Variants in DNM3 observed in about 807,000 individuals in gnomAD.
DNM3 encodes dynamin-3.
DNM3 carries 47 observed loss-of-function variants against 101.6 expected under a neutral mutation model. The ratio of observed to expected loss-of-function variants is 0.46; its 90% CI spans 0.37 to 0.59. The LOEUF (loss-of-function observed/expected upper bound fraction) is 0.59. Ranked by LOEUF, DNM3 falls within the 20% of genes least tolerant of loss-of-function variation. The probability of loss-of-function intolerance (pLI) is 0.00; values close to 1 mark genes in which losing one functional copy is unlikely to be tolerated. For missense variants in DNM3, 849 were observed against 1,085.7 expected, an observed-to-expected ratio of 0.78 and a Z score of 3.06; for synonymous variants, 385 against 387.9, an observed-to-expected ratio of 0.99 and a Z score of 0.09.
At chr1:172,225,430 C>T (rs747809465) in intron 14 of DNM3, among the ~76,000 whole-genome samples, 3 of 151,988 alleles carry the variant, frequency 2.0e-5, no homozygotes, top group Non-Finnish European at 4.4e-5. Flanking sequence ...CCACCGTACC[C>T]GACCGTCCCT....
At chr1:172,146,892 A>G (rs981754493) in intron 14 of DNM3, among the ~76,000 whole-genome samples, 1 of 152,130 alleles carries the variant, frequency 6.6e-6, no homozygotes, top group Non-Finnish European at 1.5e-5. Context: ...CTGTACATCT[A>G]TATGCCCTCA....
intron 4 of DNM3, among the ~76,000 whole-genome samples, chr1:172,024,649 G>A (rs2048070737): frequency 6.6e-6 from 1 of 152,240 alleles, no homozygotes; most frequent in African/African-American, 2.4e-5. Context: ...AGCCCATGGA[G>A]GGCAAGCCAA....
intron 14 of DNM3, among the ~76,000 whole-genome samples, chr1:172,239,789 T>TTTTTTTTTG (rs2061675002): frequency 4.5e-5 from 2 of 44,264 alleles, no homozygotes; most frequent in South Asian, 8.7e-4. Flanking sequence ...CAGCCCTGTC[T>TTTTTTTTTG]TTTTTTTTCT....
At chr1:172,377,504 G>A (rs2149051733) in intron 17 of DNM3, among the ~76,000 whole-genome samples, 1 of 145,642 alleles carries the variant, frequency 6.9e-6, no homozygotes, top group Non-Finnish European at 1.5e-5. Context: ...TATAGAAGAT[G>A]TTTTCTTCAG....
At chr1:171,908,976 C>T (rs1398647192) in intron 1 of DNM3, among the ~76,000 whole-genome samples, 1 of 152,136 alleles carries the variant, frequency 6.6e-6, no homozygotes, top group Admixed American at 6.6e-5. Flanking sequence ...TTTCTTCCTC[C>T]CTCCCTTTTT....
chr1:172,409,333 T>C lies in DNM3; in HGVS notation c.*1492T>C. 8 of 985,326 alleles carry C rather than the reference T, an allele frequency of 8.1e-6. No individual in the cohort carries two copies. Among genetic ancestry groups the C allele is most frequent in the Non-Finnish European group, 9.6e-6 (8 of 829,812 alleles). The allele number at this position is 985,326 out of a possible 1,614,324, so 61.0% of individuals were successfully genotyped here. On this transcript the variant is annotated 3_prime_UTR_variant, in exon 21 of 21. Transcript: ENST00000627582. The stretch of plus-strand genomic sequence containing the variant: ...GTATGTTAACTTAACTTTAATTTCC[T>C]GTGTAGTTTACACCCAGAGCAGATA...
At chr1:171,874,039 A>G (rs1440310573) in intron 1 of DNM3, among the ~76,000 whole-genome samples, 1 of 152,236 alleles carries the variant, frequency 6.6e-6, no homozygotes, top group Non-Finnish European at 1.5e-5. Context: ...TACATTATTT[A>G]GTAAACGGTA....
chr1:172,318,339 C>T (rs1557987007), intron 16 of DNM3, among the ~76,000 whole-genome samples: 1 of 151,944 alleles, frequency 6.6e-6, no homozygotes, highest in Non-Finnish European at 1.5e-5. Flanking sequence ...GACAGGGATG[C>T]CCTCTCTCAC....
At chr1:172,217,658 A>G (rs1336271811) in intron 14 of DNM3, among the ~76,000 whole-genome samples, 1 of 152,118 alleles carries the variant, frequency 6.6e-6, no homozygotes, top group Non-Finnish European at 1.5e-5. Context: ...GTATCTTACA[A>G]TCTACTATAT....
chr1:172,048,949 C>T (rs746033520), intron 10 of DNM3, among the ~76,000 whole-genome samples, 199 bp downstream of exon 10: 11 of 152,108 alleles, frequency 7.2e-5, no homozygotes, highest in South Asian at 2.1e-4. Flanking sequence ...ATTCCTAATA[C>T]GGTGGTTTAG....
chr1:171,886,025 G>C (rs1407972049), intron 1 of DNM3, among the ~76,000 whole-genome samples: 1 of 152,160 alleles, frequency 6.6e-6, no homozygotes, highest in Non-Finnish European at 1.5e-5. Flanking sequence ...GGCCTGATTA[G>C]GGATCTCATA....
intron 14 of DNM3, among the ~76,000 whole-genome samples, chr1:172,160,529 G>A (rs973722505): frequency 6.6e-6 from 1 of 151,442 alleles, no homozygotes; most frequent in Non-Finnish European, 1.5e-5. Flanking sequence ...CCATATCATT[G>A]TTTTCCACCT....
intron 12 of DNM3, among the ~76,000 whole-genome samples, chr1:172,087,894 T>C (rs1484551501): frequency 6.6e-6 from 1 of 152,210 alleles, no homozygotes; most frequent in East Asian, 1.9e-4. Flanking sequence ...TTGTTACTAT[T>C]CCTTTCTACT....
At chr1:172,131,383 G>C in intron 14 of DNM3, 95 bp downstream of exon 14, 1 of 1,034,624 alleles carries the variant, frequency 9.7e-7, no homozygotes, top group Non-Finnish European at 1.5e-6. Context: ...AGACACCAGT[G>C]GTTCTCTTTC....
chr1:172,135,732 TA>T (rs1424408395), intron 14 of DNM3, among the ~76,000 whole-genome samples: 2 of 152,096 alleles, frequency 1.3e-5, no homozygotes, highest in Admixed American at 1.3e-4. Context: ...TAGATAATTT[TA>T]CATTAATACT....
chr1:171,954,033 A>G (rs1407293246), intron 2 of DNM3, among the ~76,000 whole-genome samples: 1 of 152,194 alleles, frequency 6.6e-6, no homozygotes. Context: ...CCTAGCACAT[A>G]ACTCAGAGGG....
At chr1:172,164,217 A>ATTTTC (rs1445214485) in intron 14 of DNM3, among the ~76,000 whole-genome samples, 1 of 121,232 alleles carries the variant, frequency 8.2e-6, no homozygotes, top group Non-Finnish European at 1.7e-5. Context: ...TTCTCTCTCT[A>ATTTTC]TTTTCTTTTC....
chr1:172,072,942 A>G (rs1309300577), intron 11 of DNM3, among the ~76,000 whole-genome samples: 2 of 152,212 alleles, frequency 1.3e-5, no homozygotes, highest in Non-Finnish European at 2.9e-5. Context: ...AGATAGTTAC[A>G]CAAATAAGGC....
At chr1:171,950,847 C>T (rs2042474313) in intron 2 of DNM3, among the ~76,000 whole-genome samples, 1 of 151,968 alleles carries the variant, frequency 6.6e-6, no homozygotes. Context: ...TCAATTATAC[C>T]ACAATAAAGC....
Sources: gnomAD v4.1 joint callset for allele counts (sites outside exome capture counted in the v4.1 genomes callset) on GRCh38, gnomAD v4.1.1 for gene constraint, MANE v1.5 for transcripts, NCBI Gene and HGNC (gene_info 2026-07-23, HGNC 2026-07-21) for gene names.